The following KLRK1 variants were observed in gnomAD, a reference collection of about 807,000 sequenced individuals.
The protein encoded by KLRK1 is killer cell lectin like receptor K1.
KLRK1 carries 40 observed loss-of-function variants against 31.3 expected under a neutral mutation model. The observed-to-expected ratio is 1.28, with a 90% CI of 0.99 to 1.67. The LOEUF is 1.67. Ranked by LOEUF, KLRK1 falls within the 40% of genes most tolerant of loss-of-function variation. The pLI is 0.00. For missense variants in KLRK1, 251 were observed against 260.0 expected, an observed-to-expected ratio of 0.97 and a Z score of 0.24; for synonymous variants, 77 against 77.3, an observed-to-expected ratio of 1.00 and a Z score of 0.02.
chr12:10,387,712 A>T (rs1863195178), intron 2 of KLRK1, among the ~76,000 whole-genome samples: 1 of 151,792 alleles, frequency 6.6e-6, no homozygotes, highest in Admixed American at 6.6e-5. Context: ...TACCTGGCTA[A>T]TTTTTGTATT....
In KLRK1 at chr12:10,372,419, C is replaced by T. The variant is rs1862878705; in HGVS notation, c.*695G>A. 2 of 152,164 alleles carry T rather than the reference C, an allele frequency of 1.3e-5. No homozygotes were observed. The highest frequency in any genetic ancestry group is 1.3e-4 in the Admixed American group (2 of 15,278). The allele number at this position is 152,164 out of a possible 1,614,324, so 9.4% of individuals were successfully genotyped here. A position where few individuals can be genotyped will look rare whatever the true frequency, so the allele number is the denominator to read the frequency against. ...CTTCTTAACTGTGAACCTGTGAAAC[C>T]AAACAAGTTATGTGCTTCCAAAATA... On this transcript the variant is annotated 3_prime_UTR_variant, in exon 8 of 8. Coordinates refer to ENST00000240618, the MANE Select transcript of KLRK1 (RefSeq NM_007360.4).
chr12:10,378,428 G>A (rs1863005285), intron 6 of KLRK1, 126 bp downstream of exon 6: 5 of 1,463,624 alleles, frequency 3.4e-6, no homozygotes, highest in Non-Finnish European at 4.6e-6. Flanking sequence ...AATGAAGAAA[G>A]ATTTAGGGTT....
At chr12:10,385,904 AT>A (rs1337340040) in intron 3 of KLRK1, among the ~76,000 whole-genome samples, 1 of 152,054 alleles carries the variant, frequency 6.6e-6, no homozygotes, top group East Asian at 1.9e-4. Context: ...CCAACTAAAA[AT>A]AAACAAAAAT....
intron 3 of KLRK1, 50 bp from the exon 4 acceptor site, chr12:10,379,842 G>T: frequency 2.0e-6 from 3 of 1,501,614 alleles, no homozygotes; most frequent in South Asian, 1.3e-5. Flanking sequence ...AAAAGGTTTG[G>T]GTATCTTTGT....
chr12:10,379,069 C>T (rs1344839465), intron 5 of KLRK1: 3 of 191,096 alleles, frequency 1.6e-5, no homozygotes, highest in Non-Finnish European at 3.2e-5. Context: ...AGGAGAATTG[C>T]TTGAACCTAG....
intron 1 of KLRK1, among the ~76,000 whole-genome samples, chr12:10,389,499 A>T (rs1863235594): frequency 6.6e-6 from 1 of 152,148 alleles, no homozygotes; most frequent in African/African-American, 2.4e-5. Context: ...CAAAAATAAA[A>T]GCTATTTCAT....
chr12:10,373,087 G>T lies in KLRK1; in HGVS notation c.*27C>A. ...CTGGTGTAATCTCTTCTCTGTTCCT[G>T]GCTTTTATTGAGATGGTTGATCATC... On this transcript the variant is annotated 3_prime_UTR_variant, in exon 8 of 8. Coordinates refer to ENST00000240618, the MANE Select transcript of KLRK1 (RefSeq NM_007360.4). The T allele has an allele frequency of 6.3e-7, 1 of 1,596,118 alleles. No homozygotes were observed. Among genetic ancestry groups the T allele is most frequent in the Non-Finnish European group, 8.6e-7 (1 of 1,166,224 alleles).
Position 10,386,919 on chromosome 12 carries a change from G to C in KLRK1, c.132C>G (p.Ser44Arg), listed in dbSNP as rs1490722504. The C allele has an allele frequency of 6.2e-7, 1 of 1,611,442 alleles. No individual in the cohort carries two copies. The highest frequency in any genetic ancestry group is 8.5e-7 in the Non-Finnish European group (1 of 1,178,824). Residue 44 changes from serine (S) to arginine (R), a missense_variant, in exon 3 of 8, where the codon AGC becomes AGG. Ser to Arg is a moderately radical substitution (Grantham distance 110, BLOSUM62 -1). Coordinates refer to ENST00000240618, the MANE Select transcript of KLRK1 (RefSeq NM_007360.4). ...WQKQRCPVVK[S>R]KCRENASPFF... ...AGGACTTACCATTTTCTCTACATTTGCTTTTGACTACTGGACATCTTTGCT... is the reference window on the plus strand; with the variant it reads ...AGGACTTACCATTTTCTCTACATTTCCTTTTGACTACTGGACATCTTTGCT...
intron 3 of KLRK1, among the ~76,000 whole-genome samples, chr12:10,381,071 C>T (rs1037548978): frequency 2.0e-5 from 3 of 151,884 alleles, no homozygotes; most frequent in African/African-American, 7.3e-5. Context: ...CTATACAGAG[C>T]CCTATGCCCA....
intron 4 of KLRK1, 49 bp from the exon 5 acceptor site, chr12:10,379,531 T>C (rs1456288794): frequency 4.4e-6 from 6 of 1,348,872 alleles, no homozygotes; most frequent in African/African-American, 1.5e-5. Context: ...TAGTAACTTA[T>C]AGTATAAGCA....
intron 3 of KLRK1, among the ~76,000 whole-genome samples, chr12:10,383,518 A>T (rs1266013431): frequency 6.6e-6 from 1 of 152,142 alleles, no homozygotes; most frequent in Non-Finnish European, 1.5e-5. Flanking sequence ...ATATTAATAG[A>T]TCTGAAGGGA....
intron 3 of KLRK1, among the ~76,000 whole-genome samples, chr12:10,385,130 C>A (rs184619975): frequency 6.6e-6 from 1 of 151,866 alleles, no homozygotes; most frequent in Non-Finnish European, 1.5e-5. Flanking sequence ...AATGTTTATA[C>A]AATTTTGGTG....
intron 3 of KLRK1, 31 bp downstream of exon 3, chr12:10,386,872 T>C (rs750451773): frequency 2.4e-5 from 37 of 1,561,286 alleles, no homozygotes; most frequent in Non-Finnish European, 3.2e-5. Context: ...TTCAATATAC[T>C]GAGAGTAGAC....
chr12:10,380,215 G>A (rs539320008), intron 3 of KLRK1, among the ~76,000 whole-genome samples: 31 of 151,760 alleles, frequency 2.0e-4, no homozygotes, highest in Non-Finnish European at 4.1e-4. Context: ...ACAGGTGCCC[G>A]CCACCACTCC....
At position 10,388,842 on chromosome 12, in the gene KLRK1, G is replaced by A; in HGVS notation, c.-32C>T. ...CTTATAAGTGCACGTCTACCGCAGA[G>A]AGGAATCTAAAGTCTTCAATGCACA... On this transcript the variant is annotated 5_prime_UTR_variant, in exon 2 of 8. Transcript: ENST00000240618. The A allele has an allele frequency of 6.2e-7, 1 of 1,613,376 alleles. No homozygotes were observed. The highest frequency in any genetic ancestry group is 8.5e-7 in the Non-Finnish European group (1 of 1,179,622).
At chr12:10,376,541 ATATTAATAG>A (rs745778515) in intron 7 of KLRK1, among the ~76,000 whole-genome samples, 4 of 152,170 alleles carry the variant, frequency 2.6e-5, no homozygotes, top group East Asian at 1.9e-4. Context: ...ATCATCTCAC[ATATTAATAG>A]TATAACTTTT....
intron 7 of KLRK1, among the ~76,000 whole-genome samples, chr12:10,377,502 T>C (rs1862988455): frequency 6.6e-6 from 1 of 152,202 alleles, no homozygotes; most frequent in Non-Finnish European, 1.5e-5. Flanking sequence ...AAGATAACTT[T>C]TCTAAGTGAA....
Position 10,388,837 on chromosome 12 carries a change from G to T in KLRK1, c.-27C>A, listed in dbSNP as rs113385206. On this transcript the variant is annotated 5_prime_UTR_variant, in exon 2 of 8. Transcript: ENST00000240618. ...AAATACTTATAAGTGCACGTCTACC[G>T]CAGAGAGGAATCTAAAGTCTTCAAT... 3 of 1,613,354 alleles carry T rather than the reference G, an allele frequency of 1.9e-6. No individual in the cohort carries two copies. Among genetic ancestry groups the T allele is most frequent in the East Asian group, 4.5e-5 (2 of 44,836 alleles).
At chr12:10,389,107 A>C (rs1863226274) in intron 1 of KLRK1, 1 of 347,686 alleles carries the variant, frequency 2.9e-6, no homozygotes, top group Non-Finnish European at 5.2e-6. Context: ...TGAACCTATT[A>C]ATTCACCTAC....
Sources: gnomAD v4.1 joint callset for allele counts (sites outside exome capture counted in the v4.1 genomes callset) on GRCh38, gnomAD v4.1.1 for gene constraint, MANE v1.5 for transcripts, NCBI Gene and HGNC (gene_info 2026-07-23, HGNC 2026-07-21) for gene names.